The following MAGI3 variants were observed in gnomAD, a reference collection of about 807,000 sequenced individuals.
MAGI3 encodes membrane associated guanylate kinase, WW and PDZ domain containing 3.
Under a neutral mutation model 121.8 loss-of-function variants are expected in MAGI3, and 43 were observed. The observed-to-expected ratio is 0.35, with a 90% CI of 0.28 to 0.46. The LOEUF (loss-of-function observed/expected upper bound fraction) is 0.46. MAGI3 is among the 20% of genes least tolerant of loss of function. The pLI is 1.00. For missense variants in MAGI3, 1,547 were observed against 1,797.3 expected (o/e 0.86, Z 2.52); for synonymous variants, 553 against 639.3 (o/e 0.86, Z 2.04).
chr1:113,418,631 GA>G (rs2101372954), intron 1 of MAGI3, among the ~76,000 whole-genome samples: 1 of 152,086 alleles, frequency 6.6e-6, no homozygotes, highest in East Asian at 1.9e-4. Flanking sequence ...TCTTACACAA[GA>G]TGGAAAGCAC....
chr1:113,547,061 C>T (rs571783097), intron 1 of MAGI3, among the ~76,000 whole-genome samples: 1 of 142,916 alleles, frequency 7.0e-6, no homozygotes, highest in African/African-American at 2.6e-5. Context: ...CCAACCTGGG[C>T]GACAGAGTGA....
intron 6 of MAGI3, among the ~76,000 whole-genome samples, chr1:113,610,581 G>C (rs1300237361): frequency 6.6e-6 from 1 of 152,076 alleles, no homozygotes; most frequent in Non-Finnish European, 1.5e-5. Flanking sequence ...GCCTTCAACA[G>C]ATATGACATC....
chr1:113,416,599 A>T (rs976975195), intron 1 of MAGI3, among the ~76,000 whole-genome samples: 2 of 149,152 alleles, frequency 1.3e-5, no homozygotes, highest in African/African-American at 2.5e-5. Context: ...ATTTCCCAGG[A>T]TAGGTAGAAC....
intron 2 of MAGI3, among the ~76,000 whole-genome samples, chr1:113,565,608 A>G (rs928259669): frequency 6.6e-6 from 1 of 152,244 alleles, no homozygotes; most frequent in Non-Finnish European, 1.5e-5. Flanking sequence ...ATTTCTGAGC[A>G]TGGTTAACAG....
intron 19 of MAGI3, among the ~76,000 whole-genome samples, chr1:113,674,563 G>GA (rs904255450): frequency 9.2e-5 from 14 of 151,662 alleles, no homozygotes; most frequent in African/African-American, 3.4e-4. Context: ...AGGCATCAGA[G>GA]AAAAGGAACT....
At chr1:113,505,253 G>A (rs550120042) in intron 1 of MAGI3, among the ~76,000 whole-genome samples, 13 of 152,182 alleles carry the variant, frequency 8.5e-5, no homozygotes, top group Admixed American at 2.6e-4. Context: ...TAACAAAACC[G>A]AATGTAATGG....
At chr1:113,494,701 T>C (rs1037902922) in intron 1 of MAGI3, among the ~76,000 whole-genome samples, 43 of 152,328 alleles carry the variant, frequency 2.8e-4, no homozygotes, top group South Asian at 1.7e-3. Context: ...ATATTATGCA[T>C]GGGTCACTGA....
At chr1:113,426,850 C>T (rs1358236933) in intron 1 of MAGI3, among the ~76,000 whole-genome samples, 1 of 151,914 alleles carries the variant, frequency 6.6e-6, no homozygotes, top group Non-Finnish European at 1.5e-5. Context: ...CAATTTTAGT[C>T]TTTTAATGAG....
chr1:113,668,765 G>A (rs375851838), intron 16 of MAGI3, among the ~76,000 whole-genome samples: 1,659 of 150,950 alleles, frequency 0.011, 31 homozygotes, highest in African/African-American at 0.039. Flanking sequence ...TGTATTTTTA[G>A]TAGAGACGGG....
intron 1 of MAGI3, among the ~76,000 whole-genome samples, chr1:113,433,264 G>A (rs918821443): frequency 1.2e-4 from 19 of 152,208 alleles, no homozygotes; most frequent in Middle Eastern, 6.8e-3. Context: ...GTACTACTGG[G>A]TCTGTGCATT....
At position 113,488,293 on chromosome 1, in the gene MAGI3, G is replaced by C. The variant is rs141200726; in HGVS notation, c.317-61222G>C. On this transcript the variant is annotated intron_variant, in intron 1 of 20. Coordinates refer to ENST00000307546, the MANE Select transcript of MAGI3 (RefSeq NM_001142782.2). ...AACATCTGTAGTGGTGCATGGCCAGGGACAGCCATCCCCATAGGCTCAACT... is the reference window on the plus strand; with the variant it reads ...AACATCTGTAGTGGTGCATGGCCAGCGACAGCCATCCCCATAGGCTCAACT... 7.1e-3 allele frequency among the ~76,000 whole-genome samples: 1,086 copies of C among 152,304 alleles called. 8 individuals are homozygous for C. The highest frequency in any genetic ancestry group is 0.025 in the African/African-American group (1,033 of 41,542).
chr1:113,476,207 G>T (rs961711872), intron 1 of MAGI3, among the ~76,000 whole-genome samples: 4 of 152,036 alleles, frequency 2.6e-5, no homozygotes, highest in South Asian at 4.2e-4. Context: ...AGGGTTTTTT[G>T]TGTCTCCATC....
chr1:113,681,330 G>A lies in MAGI3; in HGVS notation c.3322G>A (p.Asp1108Asn). 6.2e-7 allele frequency: 1 copy of A among 1,613,152 alleles called. No homozygotes were observed. The highest frequency in any genetic ancestry group is 1.7e-5 in the Admixed American group (1 of 59,786). ...GAGGCCAGGAACTGGCTTGATACCTGACCATGGTAAGTAAAGTAGCCCACT... is the reference window on the plus strand; with the variant it reads ...GAGGCCAGGAACTGGCTTGATACCTAACCATGGTAAGTAAAGTAGCCCACT... ...LLRPGTGLIPDHGDWDINNPS... is the reference protein window; with the variant it reads ...LLRPGTGLIPNHGDWDINNPS... Residue 1108 changes from aspartate (D) to asparagine (N), a missense_variant, in exon 20 of 21, where the codon GAC becomes AAC. Physicochemically the swap from Asp to Asn is conservative, Grantham distance 23. Transcript: ENST00000307546.
chr1:113,649,852 G>A (rs1022599123), intron 13 of MAGI3, among the ~76,000 whole-genome samples: 1 of 152,080 alleles, frequency 6.6e-6, no homozygotes, highest in Non-Finnish European at 1.5e-5. Context: ...TAATATTTTT[G>A]TCCAGAGGCA....
At chr1:113,395,522 T>A (rs1651063635) in intron 1 of MAGI3, among the ~76,000 whole-genome samples, 1 of 151,994 alleles carries the variant, frequency 6.6e-6, no homozygotes, top group East Asian at 1.9e-4. Context: ...TTGCATGATA[T>A]TTGATGACTT....
chr1:113,562,563 G>GA (rs756192097), intron 2 of MAGI3, among the ~76,000 whole-genome samples: 15 of 152,220 alleles, frequency 9.9e-5, no homozygotes, highest in Admixed American at 5.2e-4. Flanking sequence ...CACAGAATTA[G>GA]AAAAAAACTA....
chr1:113,483,580 C>T (rs1024141324), intron 1 of MAGI3, among the ~76,000 whole-genome samples: 2 of 152,090 alleles, frequency 1.3e-5, no homozygotes, highest in Non-Finnish European at 2.9e-5. Flanking sequence ...TTTAAGCAAC[C>T]CAACCTGTGG....
intron 1 of MAGI3, among the ~76,000 whole-genome samples, chr1:113,445,986 G>C (rs1654158496): frequency 6.6e-6 from 1 of 152,174 alleles, no homozygotes; most frequent in East Asian, 1.9e-4. Flanking sequence ...GTATATACAT[G>C]GGTAATTATG....
intron 2 of MAGI3, among the ~76,000 whole-genome samples, chr1:113,558,451 A>C (rs1383024438): frequency 6.6e-6 from 1 of 152,234 alleles, no homozygotes; most frequent in Non-Finnish European, 1.5e-5. Context: ...AGCGGGGAAA[A>C]GAACCTAAGA....
Sources: allele counts gnomAD v4.1 joint callset (sites outside exome capture counted in the v4.1 genomes callset), GRCh38; gene constraint gnomAD v4.1.1; transcripts MANE v1.5; gene names NCBI Gene and HGNC (gene_info 2026-07-23, HGNC 2026-07-21).